Variants in RPN1 observed in about 807,000 individuals in gnomAD.
The protein encoded by RPN1 is dolichyl-diphosphooligosaccharide--protein glycosyltransferase subunit 1.
RPN1 carries 12 observed loss-of-function variants against 55.5 expected under a neutral mutation model. That is an observed-to-expected ratio of 0.22 (90% CI 0.14 to 0.35). The LOEUF is 0.35. Ranked by LOEUF, RPN1 falls within the 10% of genes least tolerant of loss-of-function variation. The pLI is 1.00. For synonymous variants in RPN1, 317 were observed against 305.9 expected, an observed-to-expected ratio of 1.04 and a Z score of -0.38; for missense variants, 679 against 761.3, an observed-to-expected ratio of 0.89 and a Z score of 1.27.
chr3:128,638,175 G>C, intron 2 of RPN1, 70 bp from the exon 3 acceptor site: 1 of 1,207,084 alleles, frequency 8.3e-7, no homozygotes, highest in South Asian at 1.4e-5. Flanking sequence ...GCAGTTCAAA[G>C]TCACAACAAA....
chr3:128,624,166 T>C (rs754273933), intron 8 of RPN1, among the ~76,000 whole-genome samples: 2 of 152,028 alleles, frequency 1.3e-5, no homozygotes, highest in South Asian at 4.1e-4. Context: ...CTGTATTGAG[T>C]ACTGTATTTC....
chr3:128,631,877 C>T lies in RPN1; in HGVS notation c.843+71G>A, dbSNP rs181443016. ...AACTGCCTAAATATTTAGCTAGTTT[C>T]GAAAAGCAAAGAATAGGTAGCTGTG... is the stretch of plus-strand genomic sequence containing the variant. On this transcript the variant is annotated intron_variant, in intron 4 of 9. Transcript: ENST00000296255. 1.1e-4 allele frequency: 166 copies of T among 1,540,594 alleles called. No individual in the cohort carries two copies. In the East Asian group the frequency reaches 1.2e-3, roughly 11 times the overall value.
intron 4 of RPN1, among the ~76,000 whole-genome samples, chr3:128,630,550 CA>C (rs2069633695): frequency 6.6e-6 from 1 of 151,938 alleles, no homozygotes; most frequent in Non-Finnish European, 1.5e-5. Context: ...TTGTATCTTC[CA>C]AATCTGTCAG....
At chr3:128,635,178 A>G (rs372611216) in intron 3 of RPN1, among the ~76,000 whole-genome samples, 6 of 152,162 alleles carry the variant, frequency 3.9e-5, no homozygotes, top group African/African-American at 9.6e-5. Flanking sequence ...ATGGAGGAAT[A>G]TAAGTATGTT....
intron 2 of RPN1, among the ~76,000 whole-genome samples, chr3:128,641,760 C>T (rs1277683192): frequency 6.6e-6 from 1 of 151,966 alleles, no homozygotes; most frequent in Non-Finnish European, 1.5e-5. Context: ...AGGCATGCAC[C>T]ACCACTCCTG....
chr3:128,647,374 A>G (rs1354071812), intron 1 of RPN1, among the ~76,000 whole-genome samples: 1 of 152,142 alleles, frequency 6.6e-6, no homozygotes, highest in Non-Finnish European at 1.5e-5. Context: ...AAGTTTCATT[A>G]CTTTGACTAG....
At chr3:128,646,434 G>A (rs1173313363) in intron 1 of RPN1, among the ~76,000 whole-genome samples, 2 of 152,016 alleles carry the variant, frequency 1.3e-5, no homozygotes, top group African/African-American at 4.8e-5. Context: ...TGTAATCCCA[G>A]CACTCTGACA....
intron 3 of RPN1, 150 bp downstream of exon 3, chr3:128,637,649 T>C: frequency 1.3e-6 from 1 of 756,272 alleles, no homozygotes; most frequent in South Asian, 1.8e-5. Context: ...CATGGAGTCA[T>C]TTCACTGCAG....
At chr3:128,634,797 G>C (rs756894869) in intron 3 of RPN1, among the ~76,000 whole-genome samples, 5 of 151,838 alleles carry the variant, frequency 3.3e-5, no homozygotes, top group Non-Finnish European at 5.9e-5. Flanking sequence ...TCCTGACCTC[G>C]TGATCCGCCA....
In RPN1 at chr3:128,637,909, C is replaced by T. The variant is rs767231053; in HGVS notation, c.523G>A (p.Val175Met). 6.2e-7 allele frequency: 1 copy of T among 1,614,200 alleles called. No individual in the cohort carries two copies. The highest frequency in any genetic ancestry group is 1.1e-5 in the South Asian group (1 of 91,076). ...TCCACATTTCGAGAGGCAAGCTTCACACGCATGGTTTGTGTCTTCGTTGGA... is the reference window on the plus strand; with the variant it reads ...TCCACATTTCGAGAGGCAAGCTTCATACGCATGGTTTGTGTCTTCGTTGGA... The part of the protein sequence containing the change: ...PYPTKTQTMR[V>M]KLASRNVESY... Residue 175 changes from valine (V) to methionine (M), a missense_variant, in exon 3 of 10, where the codon GTG becomes ATG. By Grantham distance (21) the Val-to-Met change is conservative. Around this residue, in one of 3 missense-constraint regions of RPN1, gnomAD observed 352 missense variants for 352.8 expected, o/e 1.00. Transcript: ENST00000296255.
At chr3:128,625,811 T>C in intron 7 of RPN1, 63 bp downstream of exon 7, 1 of 1,565,098 alleles carries the variant, frequency 6.4e-7, no homozygotes, top group Non-Finnish European at 8.7e-7. Flanking sequence ...AGGTGAGTTC[T>C]TGGCCCCCAG....
intron 2 of RPN1, among the ~76,000 whole-genome samples, chr3:128,640,300 A>T (rs1236037517): frequency 6.6e-6 from 1 of 152,230 alleles, no homozygotes; most frequent in East Asian, 1.9e-4. Context: ...CTAGTGAAAA[A>T]TTGAATTAAT....
chr3:128,645,914 T>C (rs951580617), intron 1 of RPN1, among the ~76,000 whole-genome samples: 1 of 152,042 alleles, frequency 6.6e-6, no homozygotes, highest in African/African-American at 2.4e-5. Flanking sequence ...TACATTCAAA[T>C]AAGCATACTC....
chr3:128,625,159 C>T (rs1334930595), intron 8 of RPN1, among the ~76,000 whole-genome samples: 1 of 152,050 alleles, frequency 6.6e-6, no homozygotes, highest in Non-Finnish European at 1.5e-5. Flanking sequence ...GGTTTCTGCT[C>T]CCAACAAGGA....
rs147636990 is a variant in RPN1, at chr3:128,643,461, C to A, written c.326+1458G>T. ...GGCAGATCACCTGAAGTCAGAAGTT[C>A]GAGACCAGCCTGGCCAACATGGGGA... On this transcript the variant is annotated intron_variant, in intron 2 of 9. Transcript: ENST00000296255. Among the ~76,000 whole-genome samples the A allele has an allele frequency of 5.5e-3, 834 of 152,016 alleles. 32 individuals carry two copies. The highest frequency in any genetic ancestry group is 0.05 in the Admixed American group (762 of 15,244).
In RPN1 at chr3:128,620,190, GT is replaced by G. The variant is rs1190884051; in HGVS notation, c.*220del. 2 of 374,194 alleles carry G rather than the reference GT, an allele frequency of 5.3e-6. No homozygotes were observed. Among genetic ancestry groups the G allele is most frequent in the Admixed American group, 4.6e-5 (1 of 21,906 alleles). 23.2% of individuals were successfully genotyped at this position (374,194 alleles called of 1,614,324 possible). A position where few individuals can be genotyped will look rare whatever the true frequency, so the allele number is the denominator to read the frequency against. ...CAAAGATGTTTTGTTTTTAATGGGA[GT>G]TTTTTTAAAGTTTTCTTTTTTTAAA... On this transcript the variant is annotated 3_prime_UTR_variant, in exon 10 of 10. Coordinates refer to ENST00000296255, the MANE Select transcript of RPN1 (RefSeq NM_002950.4).
rs138529599 is a variant in RPN1 at position 128,623,395 on chromosome 3, G to A, written c.1396-986C>T. Among the ~76,000 whole-genome samples, 459 of 152,198 alleles carry A rather than the reference G, an allele frequency of 3.0e-3. 10 individuals are homozygous for A. The East Asian group carries it at 0.059, about 20-fold the overall frequency. On this transcript the variant is annotated intron_variant, in intron 8 of 9. Transcript: ENST00000296255. ...CTAATAAAAATACAGAAAATTAGCC[G>A]GGCATGGTGGTGCATGCTTGTAGTC...
intron 9 of RPN1, among the ~76,000 whole-genome samples, chr3:128,620,899 A>G (rs2069553812): frequency 6.6e-6 from 1 of 152,188 alleles, no homozygotes; most frequent in South Asian, 2.1e-4. Context: ...GGCAGCACCT[A>G]TCATGCCCCT....
At chr3:128,624,731 C>G (rs2069586711) in intron 8 of RPN1, among the ~76,000 whole-genome samples, 1 of 150,078 alleles carries the variant, frequency 6.7e-6, no homozygotes, top group Non-Finnish European at 1.5e-5. Context: ...CCCAGCTACA[C>G]AGGAGGCTGA....
Sources: gnomAD v4.1 joint callset for allele counts (sites outside exome capture counted in the v4.1 genomes callset) on GRCh38, gnomAD v4.1.1 for gene constraint, gnomAD v4.1.1 regional missense constraint, MANE v1.5 for transcripts, NCBI Gene and HGNC (gene_info 2026-07-23, HGNC 2026-07-21) for gene names.